Variants in ITGBL1 observed in about 807,000 individuals in gnomAD.
ITGBL1 encodes the protein integrin subunit beta like 1.
Under a neutral mutation model 68.5 loss-of-function variants are expected in ITGBL1, and 51 were observed. The observed-to-expected ratio is 0.74, with a 90% CI of 0.59 to 0.94. The LOEUF is 0.94. Ranked by LOEUF, ITGBL1 falls within the 40% of genes least tolerant of loss-of-function variation. The pLI is 0.00. For missense variants in ITGBL1, 649 were observed against 647.4 expected (o/e 1.00, Z -0.03); for synonymous variants, 209 against 227.3 (o/e 0.92, Z 0.72).
intron 6 of ITGBL1, among the ~76,000 whole-genome samples, chr13:101,593,248 A>AT (rs1380118303): frequency 8.8e-6 from 1 of 113,852 alleles, no homozygotes; most frequent in African/African-American, 3.6e-5. Context: ...TAGAATTATA[A>AT]TAAAAAAAGA....
chr13:101,643,951 G>A (rs1023528302), intron 7 of ITGBL1, among the ~76,000 whole-genome samples: 1 of 152,068 alleles, frequency 6.6e-6, no homozygotes, highest in African/African-American at 2.4e-5. Context: ...CTCCAGAGTG[G>A]CCCACACAAC....
rs189465160 is a variant in ITGBL1, at chr13:101,580,965, T to A, written c.727+1538T>A. Among the ~76,000 whole-genome samples the A allele has an allele frequency of 1.9e-3, 289 of 152,280 alleles. 6 individuals are homozygous for A. Among genetic ancestry groups the A allele is most frequent in the Admixed American group, 0.017 (256 of 15,290 alleles). Reference sequence around the variant, plus strand: ...GAGCGAGGCTCACAGCTTCTGAGATTCAGGGGTACTTGAAGACAGGGCAGA... The same window carrying A: ...GAGCGAGGCTCACAGCTTCTGAGATACAGGGGTACTTGAAGACAGGGCAGA... On this transcript the variant is annotated intron_variant, in intron 5 of 10. Coordinates refer to ENST00000376180, the MANE Select transcript of ITGBL1 (RefSeq NM_004791.3).
chr13:101,465,865 T>C (rs1402831075), intron 2 of ITGBL1, among the ~76,000 whole-genome samples: 1 of 152,216 alleles, frequency 6.6e-6, no homozygotes, highest in African/African-American at 2.4e-5. Context: ...ATTATGGCTA[T>C]GGAATAAATA....
chr13:101,665,380 GTTA>G (rs1476500822), intron 7 of ITGBL1, among the ~76,000 whole-genome samples: 1 of 151,564 alleles, frequency 6.6e-6, no homozygotes, highest in Non-Finnish European at 1.5e-5. Flanking sequence ...TTTTTTATAT[GTTA>G]TTATAAATGA....
At chr13:101,515,891 A>G (rs1314408099) in intron 2 of ITGBL1, among the ~76,000 whole-genome samples, 1 of 152,160 alleles carries the variant, frequency 6.6e-6, no homozygotes, top group Non-Finnish European at 1.5e-5. Context: ...CTTTTCTTCT[A>G]GAACACATTA....
At chr13:101,593,658 G>T (rs982182588) in intron 6 of ITGBL1, among the ~76,000 whole-genome samples, 1 of 152,068 alleles carries the variant, frequency 6.6e-6, no homozygotes, top group South Asian at 2.1e-4. Flanking sequence ...GTTAAATAAG[G>T]CACAGAAAGA....
intron 2 of ITGBL1, among the ~76,000 whole-genome samples, chr13:101,496,236 G>A (rs1304405009): frequency 3.9e-5 from 6 of 152,248 alleles, no homozygotes; most frequent in East Asian, 1.9e-4. Flanking sequence ...AGACGCTCCC[G>A]GGCAGGCTAG....
chr13:101,575,308 T>C (rs2050338687), intron 3 of ITGBL1, 116 bp from the exon 4 acceptor site: 1 of 996,334 alleles, frequency 1.0e-6, no homozygotes. Context: ...AAATATCTAA[T>C]TGAAATATTA....
At chr13:101,661,118 A>T (rs1202071096) in intron 7 of ITGBL1, among the ~76,000 whole-genome samples, 1 of 119,872 alleles carries the variant, frequency 8.3e-6, no homozygotes, top group Non-Finnish European at 1.7e-5. Context: ...AATAACTATA[A>T]CAAACATAGT....
At chr13:101,666,307 T>G (rs2033215835) in intron 7 of ITGBL1, among the ~76,000 whole-genome samples, 1 of 152,132 alleles carries the variant, frequency 6.6e-6, no homozygotes, top group South Asian at 2.1e-4. Context: ...TCCTCTTAAA[T>G]TCTTGGACTG....
At chr13:101,522,022 A>G (rs1173381473) in intron 2 of ITGBL1, among the ~76,000 whole-genome samples, 1 of 151,872 alleles carries the variant, frequency 6.6e-6, no homozygotes, top group Non-Finnish European at 1.5e-5. Flanking sequence ...AGAAAGAGAG[A>G]GGGAGGAAGA....
chr13:101,477,958 G>T (rs775729771), intron 2 of ITGBL1, among the ~76,000 whole-genome samples: 1 of 151,886 alleles, frequency 6.6e-6, no homozygotes, highest in Non-Finnish European at 1.5e-5. Context: ...AAATGGAGGA[G>T]GAGGGAATAC....
intron 2 of ITGBL1, among the ~76,000 whole-genome samples, chr13:101,497,859 ATT>A (rs35353527): frequency 6.8e-6 from 1 of 147,360 alleles, no homozygotes. Context: ...TAAGCTGATA[ATT>A]TTTTTTTTTT....
At chr13:101,639,668 C>T (rs1033181361) in intron 7 of ITGBL1, among the ~76,000 whole-genome samples, 1 of 152,120 alleles carries the variant, frequency 6.6e-6, no homozygotes, top group South Asian at 2.1e-4. Flanking sequence ...CTTTATTATT[C>T]TGCATTACAC....
In ITGBL1 at chr13:101,547,500, G is replaced by A. The variant is rs142078112; in HGVS notation, c.317-20199G>A. Among the ~76,000 whole-genome samples, 110 of 151,822 alleles carry A rather than the reference G, an allele frequency of 7.2e-4. 1 individual carries two copies. Among genetic ancestry groups the A allele is most frequent in the African/African-American group, 2.6e-3 (108 of 41,508 alleles). ...CTCTTTGGAAGTATACAAAAAGAGT[G>A]TTGCAAATAAAAAAATCTTTATGCA... On this transcript the variant is annotated intron_variant, in intron 2 of 10. Transcript: ENST00000376180.
intron 6 of ITGBL1, among the ~76,000 whole-genome samples, chr13:101,595,776 C>T (rs931541342): frequency 6.6e-5 from 10 of 151,944 alleles, no homozygotes; most frequent in South Asian, 2.1e-4. Context: ...CCATTATGGA[C>T]GATACTATGG....
chr13:101,670,651 C>T (rs1197723944), intron 7 of ITGBL1, among the ~76,000 whole-genome samples: 1 of 151,936 alleles, frequency 6.6e-6, no homozygotes, highest in Non-Finnish European at 1.5e-5. Context: ...GGCAGGCTTC[C>T]CCAGTATCAA....
chr13:101,720,554 GTGTGTGTGTGTA>G (rs1390949203), downstream of ITGBL1: 2 of 150,844 alleles, frequency 1.3e-5, no homozygotes, highest in African/African-American at 2.5e-5. Context: ...GTGTGTGTGT[GTGTGTGTGTGTA>G]TATGTGTGTG....
intron 2 of ITGBL1, among the ~76,000 whole-genome samples, chr13:101,498,906 C>T (rs963350212): frequency 2.6e-5 from 4 of 152,102 alleles, no homozygotes; most frequent in East Asian, 1.9e-4. Flanking sequence ...AGAAAAGGCA[C>T]GTCTTACATG....
Sources: gnomAD v4.1 joint callset for allele counts (sites outside exome capture counted in the v4.1 genomes callset) on GRCh38, gnomAD v4.1.1 for gene constraint, MANE v1.5 for transcripts, NCBI Gene and HGNC (gene_info 2026-07-23, HGNC 2026-07-21) for gene names.